MECOM: variants seen among roughly 807,000 people sequenced by gnomAD.
MECOM encodes MDS1 and EVI1 complex locus.
A neutral mutation model predicts 116.3 loss-of-function variants in MECOM; 13 were observed. The ratio of observed to expected loss-of-function variants is 0.11; its 90% CI spans 0.07 to 0.18. MECOM has a LOEUF of 0.18. MECOM is among the 10% of genes least tolerant of loss of function. MECOM has a pLI of 1.00. For missense variants in MECOM, 1,299 were observed against 1,509.0 expected, an observed-to-expected ratio of 0.86 and a Z score of 2.31; for synonymous variants, 528 against 535.2, an observed-to-expected ratio of 0.99 and a Z score of 0.19.
At chr3:169,577,728 C>T (rs1333364684) in intron 1 of MECOM, among the ~76,000 whole-genome samples, 1 of 152,166 alleles carries the variant, frequency 6.6e-6, no homozygotes, top group African/African-American at 2.4e-5. Flanking sequence ...CACAGCCAGA[C>T]TAATTTGCAT....
chr3:169,251,471 C>T (rs184417172), intron 2 of MECOM, among the ~76,000 whole-genome samples: 19 of 152,262 alleles, frequency 1.2e-4, no homozygotes, highest in East Asian at 5.8e-4. Context: ...GAGCCGAAGT[C>T]TACTCCCAGC....
intron 1 of MECOM, among the ~76,000 whole-genome samples, chr3:169,468,144 C>T (rs1190167156): frequency 6.6e-6 from 1 of 151,664 alleles, no homozygotes; most frequent in Non-Finnish European, 1.5e-5. Flanking sequence ...CTATCACCTG[C>T]TCTGTTTCCT....
chr3:169,305,852 C>A (rs577000070), intron 2 of MECOM, among the ~76,000 whole-genome samples: 2 of 147,484 alleles, frequency 1.4e-5, no homozygotes, highest in African/African-American at 5.0e-5. Context: ...TTTTTTTTTT[C>A]CCCTTCCCAA....
At chr3:169,253,511 C>T (rs561028298) in intron 2 of MECOM, among the ~76,000 whole-genome samples, 1 of 151,510 alleles carries the variant, frequency 6.6e-6, no homozygotes, top group African/African-American at 2.4e-5. Context: ...GTAAGGAGCA[C>T]ATGTATTTAT....
At chr3:169,113,588 T>C (rs1361174076) in intron 8 of MECOM, among the ~76,000 whole-genome samples, 4 of 151,930 alleles carry the variant, frequency 2.6e-5, no homozygotes, top group East Asian at 1.9e-4. Flanking sequence ...AACTTACCTA[T>C]ATATCCCTTC....
intron 2 of MECOM, among the ~76,000 whole-genome samples, chr3:169,259,588 A>T (rs1476132760): frequency 6.6e-6 from 1 of 151,942 alleles, no homozygotes; most frequent in African/African-American, 2.4e-5. Flanking sequence ...ATTTTGCCTG[A>T]CACAGTGGCA....
chr3:169,511,838 C>T (rs746722201), intron 1 of MECOM, among the ~76,000 whole-genome samples: 38 of 152,028 alleles, frequency 2.5e-4, no homozygotes, highest in Non-Finnish European at 5.1e-4. Context: ...ATTTACTAGA[C>T]ATCTGTTTAA....
chr3:169,210,370 C>A (rs1577353538), intron 2 of MECOM, among the ~76,000 whole-genome samples: 1 of 151,866 alleles, frequency 6.6e-6, no homozygotes, highest in East Asian at 1.9e-4. Context: ...AACACAAAAA[C>A]AAAAAACAAA....
chr3:169,375,398 TAAAA>T (rs56707216), intron 2 of MECOM, among the ~76,000 whole-genome samples: 120,419 of 151,268 alleles, frequency 0.8, 48,355 homozygotes, highest in African/African-American at 0.91. Flanking sequence ...AGCTGTTTTT[TAAAA>T]AAAAAATTGA....
At chr3:169,653,373 A>G (rs1337065158) in intron 1 of MECOM, among the ~76,000 whole-genome samples, 2 of 152,228 alleles carry the variant, frequency 1.3e-5, no homozygotes, top group Non-Finnish European at 2.9e-5. Flanking sequence ...GAAAAATAAG[A>G]TATATACCAT....
chr3:169,131,216 C>T (rs73167953), intron 4 of MECOM, among the ~76,000 whole-genome samples: 9,472 of 152,222 alleles, frequency 0.062, 437 homozygotes, highest in South Asian at 0.2. Context: ...CTTTGACCTC[C>T]ACTTTAAGGA....
intron 1 of MECOM, among the ~76,000 whole-genome samples, chr3:169,615,492 A>G (rs1329113562): frequency 6.6e-6 from 1 of 152,248 alleles, no homozygotes; most frequent in African/African-American, 2.4e-5. Context: ...AAAACTTATA[A>G]TGAACTCAGT....
At chr3:169,336,584 A>C (rs1723622025) in intron 2 of MECOM, among the ~76,000 whole-genome samples, 1 of 152,080 alleles carries the variant, frequency 6.6e-6, no homozygotes, top group Non-Finnish European at 1.5e-5. Context: ...TTCTCCATTA[A>C]AACACTGTAT....
chr3:169,169,556 T>C (rs1309745030), intron 2 of MECOM, among the ~76,000 whole-genome samples: 1 of 152,170 alleles, frequency 6.6e-6, no homozygotes, highest in Non-Finnish European at 1.5e-5. Context: ...AATAAAAATA[T>C]TGACATTTTT....
intron 1 of MECOM, among the ~76,000 whole-genome samples, chr3:169,523,793 T>C (rs920766106): frequency 6.6e-6 from 1 of 151,776 alleles, no homozygotes. Flanking sequence ...AAATATTGCA[T>C]GAGACATACC....
At chr3:169,620,719 C>A (rs1027482752) in intron 1 of MECOM, among the ~76,000 whole-genome samples, 2 of 152,200 alleles carry the variant, frequency 1.3e-5, no homozygotes, top group African/African-American at 4.8e-5. Context: ...AGCCAGGCAC[C>A]AGGCTCATGG....
intron 2 of MECOM, among the ~76,000 whole-genome samples, chr3:169,307,628 A>G (rs1717961923): frequency 6.6e-6 from 1 of 152,248 alleles, no homozygotes; most frequent in Admixed American, 6.5e-5. Context: ...CTTACTTATA[A>G]GTGTAAATGG....
At chr3:169,339,257 G>A (rs1314354194) in intron 2 of MECOM, among the ~76,000 whole-genome samples, 2 of 152,100 alleles carry the variant, frequency 1.3e-5, no homozygotes, top group African/African-American at 4.8e-5. Context: ...CCACACCAGG[G>A]GTTTTCAAAA....
At chr3:169,440,899 G>T (rs573445735) in intron 1 of MECOM, among the ~76,000 whole-genome samples, 8 of 152,232 alleles carry the variant, frequency 5.3e-5, no homozygotes, top group Non-Finnish European at 1.5e-5. Flanking sequence ...GGTCTACCAA[G>T]GATTAAATGC....
Sources: gnomAD v4.1 joint callset for allele counts (sites outside exome capture counted in the v4.1 genomes callset) on GRCh38, gnomAD v4.1.1 for gene constraint, MANE v1.5 for transcripts, NCBI Gene and HGNC (gene_info 2026-07-23, HGNC 2026-07-21) for gene names.